Variants in CYP20A1 observed in about 807,000 individuals in gnomAD.
CYP20A1 encodes cytochrome P450 20A1.
Under a neutral mutation model 61.4 loss-of-function variants are expected in CYP20A1, and 61 were observed. The ratio of observed to expected loss-of-function variants is 0.99; its 90% CI spans 0.81 to 1.23. The LOEUF (loss-of-function observed/expected upper bound fraction) is 1.23, where lower values mean the gene tolerates loss of function less well. CYP20A1 is among the 50% of genes most tolerant of loss of function. The pLI, the probability that CYP20A1 is intolerant of heterozygous loss-of-function variation, is 0.00. For synonymous variants in CYP20A1, 193 were observed against 188.2 expected (o/e 1.03, Z -0.21); for missense variants, 530 against 542.4 (o/e 0.98, Z 0.23).
chr2:203,270,391 C>T (rs1374191302), intron 5 of CYP20A1, among the ~76,000 whole-genome samples: 2 of 152,048 alleles, frequency 1.3e-5, no homozygotes, highest in Non-Finnish European at 2.9e-5. Context: ...GTTGCCCAGA[C>T]TGGTCTCAAA....
rs2069109902 is a variant in CYP20A1 at position 203,303,673 on chromosome 2, T to A, written c.*6765T>A. On this transcript the variant is annotated 3_prime_UTR_variant, in exon 13 of 13. Coordinates refer to ENST00000356079, the MANE Select transcript of CYP20A1 (RefSeq NM_177538.3). ...TCGCGCCATTGCACTCCAGTGTGGG[T>A]GACGAGCGAAAATCCGTCTCAACCA... Among the ~76,000 whole-genome samples, 1 of 151,076 alleles carries A rather than the reference T, an allele frequency of 6.6e-6. No individual in the cohort carries two copies. The highest frequency in any genetic ancestry group is 1.5e-5 in the Non-Finnish European group (1 of 67,826).
intron 3 of CYP20A1, among the ~76,000 whole-genome samples, chr2:203,250,517 G>GA (rs55928141): frequency 2.0e-5 from 3 of 149,882 alleles, no homozygotes; most frequent in South Asian, 4.2e-4. Context: ...CTCTGAGGAA[G>GA]AAAAAAAAAA....
At chr2:203,294,085 A>G (rs1046018663) in intron 11 of CYP20A1, among the ~76,000 whole-genome samples, 1 of 152,100 alleles carries the variant, frequency 6.6e-6, no homozygotes, top group African/African-American at 2.4e-5. Context: ...CCTGGGCTCA[A>G]GTAATGCTCC....
rs960075705 is a variant in CYP20A1 at position 203,298,368 on chromosome 2, C to G, written c.*1460C>G. On this transcript the variant is annotated 3_prime_UTR_variant, in exon 13 of 13. Coordinates refer to ENST00000356079, the MANE Select transcript of CYP20A1 (RefSeq NM_177538.3). ...TCACACCACTGCACTCCAGCCTGGG[C>G]AACAGAGCAAAACCCTGCCTTTAAA... 2 of 176,968 alleles carry G rather than the reference C, an allele frequency of 1.1e-5. No individual in the cohort carries two copies. Among genetic ancestry groups the G allele is most frequent in the African/African-American group, 2.5e-5 (1 of 40,498 alleles). The allele number at this position is 176,968 out of a possible 1,614,324, so 11.0% of individuals were successfully genotyped here. A position where few individuals can be genotyped will look rare whatever the true frequency, so the allele number is the denominator to read the frequency against.
intron 3 of CYP20A1, among the ~76,000 whole-genome samples, chr2:203,251,036 C>G (rs528742246): frequency 7.4e-6 from 1 of 134,718 alleles, no homozygotes; most frequent in African/African-American, 2.8e-5. Flanking sequence ...TGCACTCCAG[C>G]CTGGGGGACA....
chr2:203,271,951 C>T (rs960796370), intron 5 of CYP20A1, among the ~76,000 whole-genome samples: 8 of 151,602 alleles, frequency 5.3e-5, no homozygotes, highest in African/African-American at 1.7e-4. Flanking sequence ...TGCCTGAACT[C>T]GGGAGGTGGA....
chr2:203,283,162 G>T (rs1490978824), intron 8 of CYP20A1, among the ~76,000 whole-genome samples: 1 of 148,958 alleles, frequency 6.7e-6, no homozygotes, highest in Non-Finnish European at 1.5e-5. Context: ...GGGTGACAGA[G>T]TGTGACCCTA....
intron 5 of CYP20A1, among the ~76,000 whole-genome samples, chr2:203,271,785 C>T (rs1305796557): frequency 6.6e-6 from 1 of 152,174 alleles, no homozygotes; most frequent in Non-Finnish European, 1.5e-5. Flanking sequence ...CATGTAATCC[C>T]AGCACTTTGG....
At chr2:203,285,821 C>T (rs2152102913) in intron 9 of CYP20A1, 89 bp downstream of exon 9, 2 of 1,227,888 alleles carry the variant, frequency 1.6e-6, no homozygotes, top group Middle Eastern at 3.1e-4. Context: ...TCTAGGAAAG[C>T]TACATATTTT....
At chr2:203,251,817 A>ATATATGTGTGTAT (rs34111991) in intron 3 of CYP20A1, 150 bp from the exon 4 acceptor site, 1 of 95,308 alleles carries the variant, frequency 1.0e-5, no homozygotes, top group Non-Finnish European at 2.2e-5. Context: ...ATATATATAT[A>ATATATGTGTGTAT]AAAAATAAAA....
At chr2:203,241,363 C>A (rs1431076047) in intron 1 of CYP20A1, among the ~76,000 whole-genome samples, 1 of 152,214 alleles carries the variant, frequency 6.6e-6, no homozygotes, top group East Asian at 1.9e-4. Flanking sequence ...AAAGTCCAGG[C>A]TGAAGATACA....
chr2:203,296,788 T>C lies in CYP20A1; in HGVS notation c.1269T>C (p.Leu423=). Residue 423 remains leucine, a synonymous_variant, in exon 13 of 13, where the codon CTT becomes CTC. Transcript: ENST00000356079. ...RFAYMVTTVL[L]SVLVKRLHLL... ...CATATATGGTGACCACAGTACTTCT[T>C]AGTGTATTGGTGAAGAGACTGCACC... 1 of 1,603,270 alleles carries C rather than the reference T, an allele frequency of 6.2e-7. No homozygotes were observed. Among genetic ancestry groups the C allele is most frequent in the Non-Finnish European group, 8.5e-7 (1 of 1,176,954 alleles).
At chr2:203,240,397 T>C (rs1162202033) in intron 1 of CYP20A1, among the ~76,000 whole-genome samples, 1 of 152,254 alleles carries the variant, frequency 6.6e-6, no homozygotes, top group Non-Finnish European at 1.5e-5. Context: ...GCACTAGCTA[T>C]GTGCCAGATA....
chr2:203,299,772 G>A lies in CYP20A1; in HGVS notation c.*2864G>A, dbSNP rs773978455. The stretch of plus-strand genomic sequence containing the variant: ...GCCTGTAATACCAGCTACTCGGGAG[G>A]CTGAAGCAGGAGAACTGCTTGAACC... On this transcript the variant is annotated 3_prime_UTR_variant, in exon 13 of 13. Coordinates refer to ENST00000356079, the MANE Select transcript of CYP20A1 (RefSeq NM_177538.3). Among the ~76,000 whole-genome samples, 9 of 152,032 alleles carry A rather than the reference G, an allele frequency of 5.9e-5. No individual in the cohort carries two copies. The highest frequency in any genetic ancestry group is 1.2e-4 in the Non-Finnish European group (8 of 68,012).
rs1344794845 is a variant in CYP20A1 at position 203,296,872 on chromosome 2, G to A, written c.1353G>A (p.Arg451=). 1.9e-6 allele frequency: 3 copies of A among 1,603,628 alleles called. No individual in the cohort carries two copies. The highest frequency in any genetic ancestry group is 2.2e-5 in the East Asian group (1 of 44,576). The change falls in exon 13 of 13, where the codon AGG becomes AGA. Residue 451 remains arginine, a synonymous_variant. Transcript: ENST00000356079. The part of the protein sequence containing the change: ...ETKYELVTSS[R]EEAWITVSKR... The stretch of plus-strand genomic sequence containing the variant: ...AGTATGAACTGGTAACATCATCAAG[G>A]GAAGAAGCTTGGATCACTGTCTCAA...
At chr2:203,289,607 TCTA>T (rs1463864530) in intron 9 of CYP20A1, among the ~76,000 whole-genome samples, 155 bp from the exon 10 acceptor site, 1 of 151,976 alleles carries the variant, frequency 6.6e-6, no homozygotes, top group Non-Finnish European at 1.5e-5. Context: ...TTTATGTACT[TCTA>T]ATATATAACA....
chr2:203,290,147 G>T (rs561161903), intron 10 of CYP20A1, among the ~76,000 whole-genome samples: 1 of 152,098 alleles, frequency 6.6e-6, no homozygotes, highest in South Asian at 2.1e-4. Context: ...CACCATCTTG[G>T]CCAAGCTGGT....
intron 8 of CYP20A1, among the ~76,000 whole-genome samples, chr2:203,282,035 C>CTTTT (rs113768629): frequency 2.6e-5 from 3 of 116,410 alleles, no homozygotes; most frequent in Non-Finnish European, 5.2e-5. Flanking sequence ...TGTATTCAAC[C>CTTTT]TTTTTTTTTT....
rs190083550 is a variant in CYP20A1, at chr2:203,277,168, G to A, written c.680-1405G>A. Among the ~76,000 whole-genome samples the A allele has an allele frequency of 2.3e-3, 351 of 151,652 alleles. 1 individual carries two copies. Among genetic ancestry groups the A allele is most frequent in the African/African-American group, 7.4e-3 (308 of 41,352 alleles). The stretch of plus-strand genomic sequence containing the variant: ...TGGAGACCATCCTGGCTAACACGGT[G>A]AAACCCCGTCTCTACTAAAAATATA... On this transcript the variant is annotated intron_variant, in intron 6 of 12. Coordinates refer to ENST00000356079, the MANE Select transcript of CYP20A1 (RefSeq NM_177538.3).
Sources: gnomAD v4.1 joint callset for allele counts (sites outside exome capture counted in the v4.1 genomes callset) on GRCh38, gnomAD v4.1.1 for gene constraint, MANE v1.5 for transcripts, NCBI Gene and HGNC (gene_info 2026-07-23, HGNC 2026-07-21) for gene names.